ABCA8: variants seen among roughly 807,000 people sequenced by gnomAD.
The protein encoded by ABCA8 is ATP binding cassette subfamily A member 8.
Under a neutral mutation model 192.3 loss-of-function variants are expected in ABCA8, and 177 were observed. The observed-to-expected ratio is 0.92, with a 90% confidence interval of 0.81 to 1.04. The LOEUF is 1.04. ABCA8 is among the 50% of genes least tolerant of loss of function. The pLI is 0.00. For missense variants in ABCA8, 1,915 were observed against 1,904.8 expected (o/e 1.01, Z -0.10); for synonymous variants, 642 against 690.2 (o/e 0.93, Z 1.09).
At chr17:68,878,065 TG>T (rs1451228575) in intron 32 of ABCA8, 1 of 166,116 alleles carries the variant, frequency 6.0e-6, no homozygotes, top group African/African-American at 2.4e-5. Flanking sequence ...GTGTTGCCTG[TG>T]GGTACAGCGG....
chr17:68,913,322 C>A (rs997436066), intron 17 of ABCA8, among the ~76,000 whole-genome samples: 1 of 151,680 alleles, frequency 6.6e-6, no homozygotes, highest in Non-Finnish European at 1.5e-5. Flanking sequence ...AACAACCTAA[C>A]GACACTTCTT....
chr17:68,868,378 T>C (rs1188129638), intron 38 of ABCA8, 22 bp from the exon 39 acceptor site: 1 of 1,587,084 alleles, frequency 6.3e-7, no homozygotes, highest in South Asian at 1.1e-5. Context: ...TGAACATGTA[T>C]TAGTTCATAT....
In ABCA8 at chr17:68,921,431, T is replaced by C; in HGVS notation, c.1563A>G (p.Gly521=). 1 of 1,611,612 alleles carries C rather than the reference T, an allele frequency of 6.2e-7. No individual in the cohort carries two copies. Among genetic ancestry groups the C allele is most frequent in the East Asian group, 2.2e-5 (1 of 44,844 alleles). ...ITAILGHSGA[G]KSTLLNILSG... ...TAAGAATGTTTAGCAGTGTTGACTTTCCAGCTCCACTGTGACCAAGTATTG... is the reference window on the plus strand; with the variant it reads ...TAAGAATGTTTAGCAGTGTTGACTTCCCAGCTCCACTGTGACCAAGTATTG... Residue 521 remains glycine (G), a synonymous_variant, in exon 13 of 40, where the codon GGA becomes GGG. Coordinates refer to ENST00000586539, the MANE Select transcript of ABCA8 (RefSeq NM_001288985.2).
In ABCA8 at chr17:68,922,244, TTCAAGGCTTCTA is replaced by T; in HGVS notation, c.1487_1498del (p.Ile496_Leu499del). On this transcript the variant is annotated inframe_deletion, in exon 12 of 40. Transcript: ENST00000586539. ...TTTTTTTTTTTTTTTTTTTTTACCTTTCAAGGCTTCTATTTTATCAGGCTTTCCTTTATATTC... is the reference window on the plus strand; with the variant it reads ...TTTTTTTTTTTTTTTTTTTTTACCTTTTTTATCAGGCTTTCCTTTATATTC... The T allele has an allele frequency of 1.3e-6, 1 of 750,454 alleles. No homozygotes were observed. The highest frequency in any genetic ancestry group is 4.6e-5 in the East Asian group (1 of 21,642). The allele number at this position is 750,454 out of a possible 1,614,324, so 46.5% of individuals were successfully genotyped here.
At chr17:68,873,129 C>T (rs750734237) in intron 37 of ABCA8, among the ~76,000 whole-genome samples, 5 of 152,170 alleles carry the variant, frequency 3.3e-5, no homozygotes, top group Admixed American at 2.0e-4. Context: ...TTGCAAGCTG[C>T]GTTCATGGTA....
At position 68,895,011 on chromosome 17, in the gene ABCA8, C is replaced by T; in HGVS notation, c.2767G>A (p.Ala923Thr). ...TQLLIINKTGASIDDFIQSVE... is the reference protein window; with the variant it reads ...TQLLIINKTGTSIDDFIQSVE... ...GACTGTATAAAGTCATCAATGCTTG[C>T]CCCTAAGGTGTAGTTAAAGATATTA... The change falls in exon 22 of 40, where the codon GCA becomes ACA. Residue 923 changes from alanine to threonine, a missense_variant and splice_region_variant. Transcript: ENST00000586539. 1 of 1,597,960 alleles carries T rather than the reference C, an allele frequency of 6.3e-7. No individual in the cohort carries two copies. Among genetic ancestry groups the T allele is most frequent in the Non-Finnish European group, 8.5e-7 (1 of 1,174,322 alleles).
intron 12 of ABCA8, among the ~76,000 whole-genome samples, chr17:68,921,941 A>T (rs1490431235): frequency 6.6e-6 from 1 of 152,098 alleles, no homozygotes; most frequent in Non-Finnish European, 1.5e-5. Context: ...GTTTGTAGAA[A>T]AAAAAACCCA....
intron 1 of ABCA8, among the ~76,000 whole-genome samples, chr17:68,954,965 CATA>C (rs2068674419): frequency 2.0e-5 from 3 of 152,280 alleles, no homozygotes; most frequent in South Asian, 2.1e-4. Flanking sequence ...TTTAAAACAA[CATA>C]ATGTTTGCAT....
chr17:68,922,374 G>T lies in ABCA8; in HGVS notation c.1443-74C>A, dbSNP rs1485567534. ...AATTTCCAGTTTGGTAGACAGGATT[G>T]GATAAATCTTAACTTCAGGATACAT... On this transcript the variant is annotated intron_variant, in intron 11 of 39. Coordinates refer to ENST00000586539, the MANE Select transcript of ABCA8 (RefSeq NM_001288985.2). 1.4e-5 allele frequency: 14 copies of T among 1,036,228 alleles called. No homozygotes were observed. The East Asian group carries it at 3.4e-4, about 25-fold the overall frequency. The allele number at this position is 1,036,228 out of a possible 1,614,324, so 64.2% of individuals were successfully genotyped here.
chr17:68,876,797 T>C, intron 33 of ABCA8, 94 bp from the exon 34 acceptor site: 2 of 1,495,684 alleles, frequency 1.3e-6, no homozygotes, highest in Non-Finnish European at 1.9e-6. Context: ...AACTCAAAAA[T>C]GCAGTTCTGG....
At chr17:68,885,338 T>C in intron 26 of ABCA8, 23 bp from the exon 27 acceptor site, 1 of 1,585,344 alleles carries the variant, frequency 6.3e-7, no homozygotes, top group Non-Finnish European at 8.6e-7. Flanking sequence ...AATATGAAGG[T>C]TAATCACTCT....
chr17:68,953,407 T>C (rs2068622485), intron 1 of ABCA8, among the ~76,000 whole-genome samples: 1 of 152,198 alleles, frequency 6.6e-6, no homozygotes, highest in South Asian at 2.1e-4. Flanking sequence ...TCATCTCATT[T>C]ATGGGACAGG....
chr17:68,868,179 A>G lies in ABCA8; in HGVS notation c.4772T>C (p.Phe1591Ser), dbSNP rs1368910659. 6.2e-7 allele frequency: 1 copy of G among 1,612,956 alleles called. No individual in the cohort carries two copies. Among genetic ancestry groups the G allele is most frequent in the African/African-American group, 1.3e-5 (1 of 74,996 alleles). Residue 1591 changes from phenylalanine to serine, a missense_variant, in exon 40 of 40, where the codon TTC (phenylalanine) becomes TCC (serine). Coordinates refer to ENST00000586539, the MANE Select transcript of ABCA8 (RefSeq NM_001288985.2). ...CTCCTGCTCCTTGGAGAGCTCCAGGAAAACCTGAAAGGGAGGAAGGAAATA... is the reference window on the plus strand; with the variant it reads ...CTCCTGCTCCTTGGAGAGCTCCAGGGAAACCTGAAAGGGAGGAAGGAAATA... Reference protein sequence around the residue: ...SLSQSTLEQVFLELSKEQELG... With the variant: ...SLSQSTLEQVSLELSKEQELG...
Position 68,894,901 on chromosome 17 carries a change from G to A in ABCA8, c.2877C>T (p.Ile959=). 1 of 1,613,406 alleles carries A rather than the reference G, an allele frequency of 6.2e-7. No homozygotes were observed. The change falls in exon 22 of 40, where the codon ATC becomes ATT. Residue 959 remains isoleucine (I), a synonymous_variant. Transcript: ENST00000586539. ...GTDDPSYNGA[I]TVCCNEKNYS... is the part of the protein sequence containing the mutation. The stretch of plus-strand genomic sequence containing the variant: ...ATACCTTTTCATTACAACACACTGT[G>A]ATGGCTCCATTATAAGATGGGTCAT...
chr17:68,953,620 G>T (rs916758673), intron 1 of ABCA8, among the ~76,000 whole-genome samples: 4 of 152,148 alleles, frequency 2.6e-5, no homozygotes, highest in Non-Finnish European at 5.9e-5. Flanking sequence ...CCCATGGAAG[G>T]AGAAGAGGGA....
Position 68,907,805 on chromosome 17 carries a change from A to G in ABCA8, c.2213T>C (p.Leu738Ser). 6.2e-7 allele frequency: 1 copy of G among 1,609,866 alleles called. No homozygotes were observed. The change falls in exon 18 of 40, where the codon TTA becomes TCA. Residue 738 changes from leucine to serine, a missense_variant. Transcript: ENST00000586539. The part of the protein sequence containing the change: ...LVKQHIPDAK[L>S]SAKSEGKLIY... ...AAGTTTTCCTTCGCTTTTGGCTGAT[A>G]ATTTGGCATCAGGGATGTGCTGTTT... is the stretch of plus-strand genomic sequence containing the variant.
intron 26 of ABCA8, 40 bp downstream of exon 26, chr17:68,886,977 T>A: frequency 7.2e-7 from 1 of 1,394,002 alleles, no homozygotes; most frequent in Non-Finnish European, 1.0e-6. Flanking sequence ...GAATTGTATA[T>A]CAAATATATA....
At position 68,918,197 on chromosome 17, in the gene ABCA8, G is replaced by T; in HGVS notation, c.1909-12C>A. 1 of 1,613,884 alleles carries T rather than the reference G, an allele frequency of 6.2e-7. No homozygotes were observed. Among genetic ancestry groups the T allele is most frequent in the Non-Finnish European group, 8.5e-7 (1 of 1,179,958 alleles). On this transcript the variant is annotated splice_polypyrimidine_tract_variant and intron_variant, in intron 15 of 39. Transcript: ENST00000586539. ...TCCAACAGGAAAATCTATAAACGAG[G>T]AAAGTATATAAGGCGGTTTTCCTCA...
intron 22 of ABCA8, chr17:68,894,654 T>C (rs1251997191): frequency 1.9e-6 from 1 of 540,396 alleles, no homozygotes; most frequent in South Asian, 3.1e-5. Context: ...CGAACTTATA[T>C]ATAGTCTTGA....
Sources: gnomAD v4.1 joint callset for allele counts (sites outside exome capture counted in the v4.1 genomes callset) on GRCh38, gnomAD v4.1.1 for gene constraint, MANE v1.5 for transcripts, NCBI Gene and HGNC (gene_info 2026-07-23, HGNC 2026-07-21) for gene names.